Variants in CDH18 observed in about 807,000 individuals in gnomAD.
CDH18 encodes the protein cadherin-18.
In CDH18, 31 loss-of-function variants were observed where a neutral mutation model predicts 67.9. The observed-to-expected ratio is 0.46, with a 90% CI of 0.34 to 0.62. The LOEUF is 0.62. Ranked by LOEUF, CDH18 falls within the 20% of genes least tolerant of loss-of-function variation. The probability of loss-of-function intolerance (pLI) is 0.01; values close to 1 mark genes in which losing one functional copy is unlikely to be tolerated. For missense variants in CDH18, 890 were observed against 975.5 expected (o/e 0.91, Z 1.17); for synonymous variants, 362 against 347.2 (o/e 1.04, Z -0.48).
chr5:20,406,612 A>C (rs879617755), intron 1 of CDH18, among the ~76,000 whole-genome samples: 5 of 152,130 alleles, frequency 3.3e-5, no homozygotes, highest in Non-Finnish European at 7.4e-5. Context: ...AAAAACAATA[A>C]TAAATGGCTA....
chr5:20,405,498 A>G (rs1746164367), intron 1 of CDH18, among the ~76,000 whole-genome samples: 1 of 152,240 alleles, frequency 6.6e-6, no homozygotes, highest in African/African-American at 2.4e-5. Flanking sequence ...AAGAAAACCT[A>G]GGCAATACCA....
intron 3 of CDH18, among the ~76,000 whole-genome samples, chr5:19,778,630 C>T (rs1359239853): frequency 1.3e-5 from 2 of 152,078 alleles, no homozygotes; most frequent in East Asian, 1.9e-4. Flanking sequence ...AGCCTTAAAA[C>T]AAGACTCAGG....
chr5:20,232,919 A>C lies in CDH18; in HGVS notation c.-518+22525T>G, dbSNP rs1447328514. ...TTTTAGTTCCCAAGGGCTATTTTACAGGTATGTAATTGTCAAATAGCCAAC... is the reference window on the plus strand; with the variant it reads ...TTTTAGTTCCCAAGGGCTATTTTACCGGTATGTAATTGTCAAATAGCCAAC... On this transcript the variant is annotated intron_variant, in intron 2 of 14. Transcript: ENST00000507958. Among the ~76,000 whole-genome samples, 3 of 152,088 alleles carry C rather than the reference A, an allele frequency of 2.0e-5. No individual in the cohort carries two copies. The East Asian group carries it at 5.8e-4, about 29-fold the overall frequency.
At chr5:19,589,069 A>G (rs1744679507) in intron 7 of CDH18, among the ~76,000 whole-genome samples, 1 of 152,070 alleles carries the variant, frequency 6.6e-6, no homozygotes, top group South Asian at 2.1e-4. Flanking sequence ...AGATTCTGAT[A>G]GTTATCTATA....
chr5:20,174,951 C>T (rs774924222), intron 2 of CDH18, among the ~76,000 whole-genome samples: 7 of 151,754 alleles, frequency 4.6e-5, no homozygotes, highest in African/African-American at 1.2e-4. Flanking sequence ...TTTTATACAC[C>T]GTGAAATACT....
chr5:19,934,944 A>G (rs573936376), intron 2 of CDH18, among the ~76,000 whole-genome samples: 91 of 151,414 alleles, frequency 6.0e-4, no homozygotes, highest in African/African-American at 1.9e-3. Flanking sequence ...TCCATACATC[A>G]TGTTTATTTA....
rs75118039 is a variant in CDH18 at position 19,801,054 on chromosome 5, G to C, written c.228+37705C>G. Among the ~76,000 whole-genome samples the C allele has an allele frequency of 1.0e-3, 154 of 152,236 alleles. 3 individuals are homozygous for C. The East Asian group carries it at 0.022, about 22-fold the overall frequency. ...AATTGCCTCACTGCTTGAGGTTGCA[G>C]TGAGCTGAGATTGCGCCACTGCACT... On this transcript the variant is annotated intron_variant, in intron 3 of 12. Coordinates refer to ENST00000382275, the MANE Select transcript of CDH18 (RefSeq NM_004934.5).
chr5:19,900,494 C>A (rs1479580896), intron 2 of CDH18, among the ~76,000 whole-genome samples: 1 of 152,058 alleles, frequency 6.6e-6, no homozygotes, highest in Non-Finnish European at 1.5e-5. Context: ...ACAATGTATA[C>A]ATGTATCAAA....
At chr5:20,236,250 A>C (rs1185242021) in intron 2 of CDH18, among the ~76,000 whole-genome samples, 1 of 151,678 alleles carries the variant, frequency 6.6e-6, no homozygotes, top group Non-Finnish European at 1.5e-5. Context: ...ATAATAAATA[A>C]ATATATAAAT....
At chr5:19,724,815 C>A (rs76286308) in intron 4 of CDH18, among the ~76,000 whole-genome samples, 1 of 152,096 alleles carries the variant, frequency 6.6e-6, no homozygotes, top group Non-Finnish European at 1.5e-5. Flanking sequence ...ATACCGCTAA[C>A]CTTTCTGGCT....
intron 1 of CDH18, among the ~76,000 whole-genome samples, chr5:20,442,001 A>G (rs1472893): frequency 0.78 from 118,062 of 151,736 alleles, 46,508 homozygotes; most frequent in African/African-American, 0.86. Flanking sequence ...TATAAGCTTC[A>G]TGATGGGAGA....
intron 1 of CDH18, among the ~76,000 whole-genome samples, chr5:20,498,586 A>AT (rs1754050762): frequency 6.6e-6 from 1 of 152,088 alleles, no homozygotes; most frequent in African/African-American, 2.4e-5. Context: ...AGTGATTATG[A>AT]TTTTTCATTA....
chr5:19,866,733 T>C (rs1387631704), intron 2 of CDH18, among the ~76,000 whole-genome samples: 1 of 152,062 alleles, frequency 6.6e-6, no homozygotes, highest in Non-Finnish European at 1.5e-5. Flanking sequence ...TGAAAGTAAC[T>C]GGGTTTGGGC....
chr5:19,778,185 G>C (rs148057901), intron 3 of CDH18, among the ~76,000 whole-genome samples: 1 of 152,188 alleles, frequency 6.6e-6, no homozygotes, highest in Admixed American at 6.5e-5. Flanking sequence ...AAACAACACA[G>C]AACATAATTA....
At chr5:19,729,120 G>T (rs1048344793) in intron 4 of CDH18, among the ~76,000 whole-genome samples, 1 of 152,018 alleles carries the variant, frequency 6.6e-6, no homozygotes, top group Non-Finnish European at 1.5e-5. Context: ...TAATTTCTGT[G>T]CACTTTCAAT....
chr5:19,600,466 C>T (rs781520539), intron 6 of CDH18, among the ~76,000 whole-genome samples: 25 of 150,500 alleles, frequency 1.7e-4, no homozygotes, highest in Admixed American at 4.7e-4. Context: ...ACACTAAAGT[C>T]GATGCTTAGG....
intron 2 of CDH18, among the ~76,000 whole-genome samples, chr5:19,875,249 A>G (rs1477784371): frequency 6.6e-6 from 1 of 152,214 alleles, no homozygotes; most frequent in Admixed American, 6.5e-5. Flanking sequence ...TATTTGACTA[A>G]TAGGATTTGA....
chr5:20,144,473 G>C (rs1750489020), intron 2 of CDH18, among the ~76,000 whole-genome samples: 2 of 152,070 alleles, frequency 1.3e-5, no homozygotes, highest in South Asian at 4.1e-4. Context: ...AAGATAACTT[G>C]TCTGGCTCAT....
chr5:20,409,126 C>T (rs1028504559), intron 1 of CDH18, among the ~76,000 whole-genome samples: 10 of 151,616 alleles, frequency 6.6e-5, no homozygotes, highest in African/African-American at 2.4e-4. Flanking sequence ...AACTACAATA[C>T]CACACTTAAG....
Sources: gnomAD v4.1 joint callset for allele counts (sites outside exome capture counted in the v4.1 genomes callset) on GRCh38, gnomAD v4.1.1 for gene constraint, MANE v1.5 for transcripts, NCBI Gene and HGNC (gene_info 2026-07-23, HGNC 2026-07-21) for gene names.